ANAPC7: variants seen among roughly 807,000 people sequenced by gnomAD.
ANAPC7 encodes the protein anaphase-promoting complex subunit 7.
In ANAPC7, 25 loss-of-function variants were observed where a neutral mutation model predicts 63.3. The ratio of observed to expected loss-of-function variants is 0.39; its 90% CI spans 0.29 to 0.55. The LOEUF (loss-of-function observed/expected upper bound fraction) is 0.55, where lower values mean the gene tolerates loss of function less well. Among genes scored for constraint, ANAPC7 ranks in the 20% least tolerant of loss-of-function variants. The pLI, the probability that ANAPC7 is intolerant of heterozygous loss-of-function variation, is 0.57. For synonymous variants in ANAPC7, 241 were observed against 251.7 expected, an observed-to-expected ratio of 0.96 and a Z score of 0.40; for missense variants, 516 against 691.7, an observed-to-expected ratio of 0.75 and a Z score of 2.85.
chr12:110,382,440 T>TAAAA (rs1881940277), intron 7 of ANAPC7, among the ~76,000 whole-genome samples: 2 of 26,782 alleles, frequency 7.5e-5, no homozygotes, highest in Non-Finnish European at 1.4e-4. Context: ...GATTATCCTT[T>TAAAA]TAAAAAAAAA....
intron 9 of ANAPC7, 38 bp from the exon 10 acceptor site, chr12:110,376,254 C>T (rs1881254000): frequency 1.2e-6 from 2 of 1,605,452 alleles, no homozygotes; most frequent in Non-Finnish European, 1.7e-6. Context: ...AAGTCATGTA[C>T]AAAAAAACCA....
At chr12:110,393,945 G>A (rs1430540433) in intron 3 of ANAPC7, among the ~76,000 whole-genome samples, 1 of 151,322 alleles carries the variant, frequency 6.6e-6, no homozygotes, top group Admixed American at 6.6e-5. Flanking sequence ...GGCCGTGGCA[G>A]GCGAATCACA....
intron 9 of ANAPC7, 86 bp downstream of exon 9, chr12:110,377,307 G>A: frequency 8.4e-7 from 1 of 1,186,790 alleles, no homozygotes; most frequent in South Asian, 1.4e-5. Context: ...CTAGTCATCT[G>A]TAACTAGCTG....
intron 1 of ANAPC7, 172 bp from the exon 2 acceptor site, chr12:110,396,624 C>T (rs979787680): frequency 2.3e-5 from 11 of 480,574 alleles, no homozygotes; most frequent in Non-Finnish European, 4.0e-5. Context: ...GATTCTCCTT[C>T]CTCAGCCTCC....
At position 110,382,460 on chromosome 12, in the gene ANAPC7, AAATATATATAT is replaced by A. The variant is rs1268023320; in HGVS notation, c.935+372_935+382del. The stretch of plus-strand genomic sequence containing the variant: ...TCCTTTTAAAAAAAAAAAAAAAAAA[AAATATATATAT>A]ATATATATATATATATATATATATT... On this transcript the variant is annotated intron_variant, in intron 7 of 10. Transcript: ENST00000455511. 4.9e-3 allele frequency among the ~76,000 whole-genome samples: 346 copies of A among 70,346 alleles called. 2 individuals carry two copies. The highest frequency in any genetic ancestry group is 0.016 in the African/African-American group (298 of 19,192). 46.1% of individuals were successfully genotyped at this position (70,346 alleles called of 152,430 possible).
intron 10 of ANAPC7, 37 bp from the exon 11 acceptor site, chr12:110,374,370 C>T: frequency 1.3e-6 from 2 of 1,591,776 alleles, no homozygotes; most frequent in Non-Finnish European, 1.7e-6. Context: ...GCCTGAATCT[C>T]TGCCTTGCTC....
intron 4 of ANAPC7, 88 bp from the exon 5 acceptor site, chr12:110,387,980 C>T: frequency 7.0e-7 from 1 of 1,431,352 alleles, no homozygotes; most frequent in South Asian, 1.3e-5. Context: ...CTTCCCTTGG[C>T]TAAAAGGCAA....
chr12:110,382,461 AATATATAT>A (rs66967302), intron 7 of ANAPC7, among the ~76,000 whole-genome samples: 7 of 30,858 alleles, frequency 2.3e-4, no homozygotes, highest in Admixed American at 5.4e-4. Flanking sequence ...AAAAAAAAAA[AATATATAT>A]ATATATATAT....
intron 1 of ANAPC7, among the ~76,000 whole-genome samples, chr12:110,400,394 T>C (rs2062211951): frequency 6.6e-6 from 1 of 152,198 alleles, no homozygotes; most frequent in Non-Finnish European, 1.5e-5. Flanking sequence ...TCTCCACTGT[T>C]TGAATTTAAC....
At chr12:110,382,441 T>A (rs538950437) in intron 7 of ANAPC7, among the ~76,000 whole-genome samples, 1,429 of 53,236 alleles carry the variant, frequency 0.027, 177 homozygotes, top group Non-Finnish European at 0.039. Flanking sequence ...ATTATCCTTT[T>A]AAAAAAAAAA....
chr12:110,396,174 G>A, intron 2 of ANAPC7, 92 bp downstream of exon 2: 6 of 1,157,218 alleles, frequency 5.2e-6, no homozygotes. Flanking sequence ...GTTCCTAACA[G>A]ACCAGGCACT....
intron 6 of ANAPC7, among the ~76,000 whole-genome samples, chr12:110,383,891 A>AAG (rs1319013467): frequency 7.6e-6 from 1 of 131,408 alleles, no homozygotes; most frequent in African/African-American, 3.2e-5. Flanking sequence ...AAAAAAAAAA[A>AAG]AAAAAAAGAA....
At chr12:110,396,968 C>G (rs2062150485) in intron 1 of ANAPC7, among the ~76,000 whole-genome samples, 1 of 152,016 alleles carries the variant, frequency 6.6e-6, no homozygotes, top group Admixed American at 6.6e-5. Context: ...CTTTGGGAGG[C>G]TGAGGGGGGC....
chr12:110,399,448 G>A (rs1332972718), intron 1 of ANAPC7, among the ~76,000 whole-genome samples: 1 of 151,252 alleles, frequency 6.6e-6, no homozygotes, highest in Admixed American at 6.6e-5. Context: ...TCAACATAGT[G>A]AGATCTTGTC....
In ANAPC7 at chr12:110,387,824, GCACGGTTTGGAT is replaced by G; in HGVS notation, c.577_588del (p.Ile193_Val196del). ...CACACAGAGAGCCAGTCCAAGTTAG[GCACGGTTTGGAT>G]CACATTCATTGTCATGGATGCCACC... On this transcript the variant is annotated inframe_deletion, in exon 5 of 11. Coordinates refer to ENST00000455511, the MANE Select transcript of ANAPC7 (RefSeq NM_016238.3). 6.2e-7 allele frequency: 1 copy of G among 1,614,168 alleles called. No homozygotes were observed. Among genetic ancestry groups the G allele is most frequent in the South Asian group, 1.1e-5 (1 of 91,078 alleles).
At chr12:110,389,532 A>T (rs920732215) in intron 3 of ANAPC7, among the ~76,000 whole-genome samples, 1 of 152,258 alleles carries the variant, frequency 6.6e-6, no homozygotes, top group Non-Finnish European at 1.5e-5. Flanking sequence ...ACACTATTTA[A>T]ATCCAGTGAG....
Position 110,373,040 on chromosome 12 carries a change from A to T in ANAPC7, c.*1104T>A, listed in dbSNP as rs187400714. The T allele has an allele frequency of 1.3e-5, 2 of 152,092 alleles. No homozygotes were observed. The highest frequency in any genetic ancestry group is 2.9e-5 in the Non-Finnish European group (2 of 68,020). The allele number at this position is 152,092 out of a possible 1,614,324, so 9.4% of individuals were successfully genotyped here. On this transcript the variant is annotated 3_prime_UTR_variant, in exon 11 of 11. Transcript: ENST00000455511. ...TTGCAGCACCTTGGACTAATTTTTG[A>T]ATTTGGGATTAGCTGTGACACCCAC...
intron 5 of ANAPC7, chr12:110,387,297 G>A (rs1209064716): frequency 8.3e-6 from 1 of 120,906 alleles, no homozygotes; most frequent in African/African-American, 3.1e-5. Flanking sequence ...CAGAGAGAGA[G>A]AGAGAGAGAG....
rs1045582779 is a variant in ANAPC7 at position 110,377,600 on chromosome 12, A to C, written c.1150T>G (p.Leu384Val). Reference sequence around the variant, plus strand: ...GCTTCTCGAATACTGTTGGAGGCTAAGTAACATTCGATAAGACCTGAAAAA... The same window carrying C: ...GCTTCTCGAATACTGTTGGAGGCTACGTAACATTCGATAAGACCTGAAAAA... ...DCYEGLIECYLASNSIREAMV... is the reference protein window; with the variant it reads ...DCYEGLIECYVASNSIREAMV... Residue 384 changes from leucine (L) to valine (V), a missense_variant, in exon 9 of 11, where the codon TTA becomes GTA. Coordinates refer to ENST00000455511, the MANE Select transcript of ANAPC7 (RefSeq NM_016238.3). 18 of 1,614,224 alleles carry C rather than the reference A, an allele frequency of 1.1e-5. No homozygotes were observed. Among genetic ancestry groups the C allele is most frequent in the Non-Finnish European group, 1.5e-5 (18 of 1,180,030 alleles).
Sources: allele counts gnomAD v4.1 joint callset (sites outside exome capture counted in the v4.1 genomes callset), GRCh38; gene constraint gnomAD v4.1.1; transcripts MANE v1.5; gene names NCBI Gene and HGNC (gene_info 2026-07-23, HGNC 2026-07-21).